Variants in PDZD8 observed in about 807,000 individuals in gnomAD.
PDZD8 encodes the protein PDZ domain-containing protein 8.
Under a neutral mutation model 85.8 loss-of-function variants are expected in PDZD8, and 14 were observed. The ratio of observed to expected loss-of-function variants is 0.16; its 90% CI spans 0.11 to 0.26. The LOEUF (loss-of-function observed/expected upper bound fraction) is 0.26. PDZD8 is among the 10% of genes least tolerant of loss of function. The pLI is 1.00. For synonymous variants in PDZD8, 592 were observed against 568.6 expected (o/e 1.04, Z -0.59); for missense variants, 1,197 against 1,424.3 (o/e 0.84, Z 2.57).
intron 1 of PDZD8, among the ~76,000 whole-genome samples, chr10:117,365,460 A>T (rs1452769952): frequency 6.6e-6 from 1 of 152,226 alleles, no homozygotes; most frequent in Non-Finnish European, 1.5e-5. Flanking sequence ...AATAGTTTTA[A>T]GAAAAGATAT....
At chr10:117,304,309 C>T (rs1843895502) in intron 3 of PDZD8, among the ~76,000 whole-genome samples, 1 of 152,092 alleles carries the variant, frequency 6.6e-6, no homozygotes, top group South Asian at 2.1e-4. Context: ...TTGTTTTGGC[C>T]AATTTCTCTT....
rs1329567676 is a variant in PDZD8 at position 117,375,202 on chromosome 10, G to A, written c.26C>T (p.Ala9Val). 1 of 1,548,928 alleles carries A rather than the reference G, an allele frequency of 6.5e-7. No individual in the cohort carries two copies. The highest frequency in any genetic ancestry group is 8.7e-7 in the Non-Finnish European group (1 of 1,152,360). The change falls in exon 1 of 5, where the codon GCG (alanine) becomes GTG (valine). Residue 9 changes from alanine to valine, a missense_variant. Around this residue, in one of 4 missense-constraint regions of PDZD8, gnomAD observed 172 missense variants for 137.8 expected, o/e 1.25. Coordinates refer to ENST00000334464, the MANE Select transcript of PDZD8 (RefSeq NM_173791.5). MGLLLMIL[A>V]SAVLGSFLTL... ...GAGGAAGGAACCCAGCACGGCCGAC[G>A]CCAGGATCATGAGCAGCAGCCCCAT...
At chr10:117,313,661 C>T (rs1419307208) in intron 3 of PDZD8, among the ~76,000 whole-genome samples, 1 of 152,094 alleles carries the variant, frequency 6.6e-6, no homozygotes, top group African/African-American at 2.4e-5. Context: ...GTTGAAAATG[C>T]ATTTACTGTT....
intron 1 of PDZD8, among the ~76,000 whole-genome samples, chr10:117,345,633 G>A (rs985740619): frequency 2.6e-5 from 4 of 151,422 alleles, no homozygotes; most frequent in African/African-American, 9.7e-5. Context: ...CCAAGAAAAA[G>A]TTATGAGACA....
chr10:117,363,038 ATAT>A (rs1845024445), intron 1 of PDZD8, among the ~76,000 whole-genome samples: 1 of 152,156 alleles, frequency 6.6e-6, no homozygotes, highest in Admixed American at 6.5e-5. Flanking sequence ...ACAGAAAATA[ATAT>A]TATACTTAGT....
chr10:117,341,235 C>A, intron 1 of PDZD8, 133 bp from the exon 2 acceptor site: 1 of 902,856 alleles, frequency 1.1e-6, no homozygotes, highest in East Asian at 2.8e-5. Flanking sequence ...AAAACCAAAG[C>A]TTACCACACT....
chr10:117,336,647 C>CA (rs931617399), intron 2 of PDZD8, among the ~76,000 whole-genome samples: 60 of 147,632 alleles, frequency 4.1e-4, no homozygotes, highest in Admixed American at 1.7e-3. Context: ...AAAAAAAAGA[C>CA]AAAAAAAAAG....
chr10:117,358,256 G>T (rs1335613727), intron 1 of PDZD8, among the ~76,000 whole-genome samples: 1 of 152,072 alleles, frequency 6.6e-6, no homozygotes, highest in Non-Finnish European at 1.5e-5. Flanking sequence ...TCATTTATAA[G>T]TGAAATATCA....
chr10:117,375,379 C>A lies in PDZD8; in HGVS notation c.-152G>T, dbSNP rs1276256335. On this transcript the variant is annotated 5_prime_UTR_variant, in exon 1 of 5. Transcript: ENST00000334464. ...CCTCGTCCAGGGGCTCGGGCCGGCG[C>A]GCTGCGGCGCCCGAGCCCGCAGCGG... 6 of 441,128 alleles carry A rather than the reference C, an allele frequency of 1.4e-5. No individual in the cohort carries two copies. The highest frequency in any genetic ancestry group is 4.7e-5 in the Admixed American group (1 of 21,484). The allele number at this position is 441,128 out of a possible 1,614,324, so 27.3% of individuals were successfully genotyped here.
chr10:117,344,247 T>C (rs1293797908), intron 1 of PDZD8, among the ~76,000 whole-genome samples: 1 of 152,306 alleles, frequency 6.6e-6, no homozygotes, highest in Middle Eastern at 3.4e-3. Context: ...CTGGAAATGA[T>C]CTTAAGAGCA....
At chr10:117,355,366 T>C (rs1427472486) in intron 1 of PDZD8, among the ~76,000 whole-genome samples, 2 of 152,242 alleles carry the variant, frequency 1.3e-5, no homozygotes, top group East Asian at 1.9e-4. Flanking sequence ...ATATATGCTC[T>C]GTTTTACTAC....
chr10:117,331,019 C>T (rs1018727879), intron 2 of PDZD8, among the ~76,000 whole-genome samples: 1 of 152,180 alleles, frequency 6.6e-6, no homozygotes, highest in Non-Finnish European at 1.5e-5. Context: ...AGTTTCTATA[C>T]TACCCATCAC....
chr10:117,290,893 AG>A (rs1844748754), intron 3 of PDZD8, among the ~76,000 whole-genome samples: 5 of 131,970 alleles, frequency 3.8e-5, no homozygotes, highest in Non-Finnish European at 7.7e-5. Context: ...TTTTTGAGAC[AG>A]GGTCTCACTC....
chr10:117,345,117 G>C (rs533606079), intron 1 of PDZD8, among the ~76,000 whole-genome samples: 1 of 152,216 alleles, frequency 6.6e-6, no homozygotes, highest in African/African-American at 2.4e-5. Context: ...GGGAAAAGAA[G>C]AGGGAGAGGC....
intron 1 of PDZD8, among the ~76,000 whole-genome samples, chr10:117,366,769 G>C (rs906568061): frequency 2.0e-5 from 3 of 152,152 alleles, no homozygotes; most frequent in Non-Finnish European, 4.4e-5. Context: ...TGGAAGTCCA[G>C]GACCTTTTAC....
intron 2 of PDZD8, among the ~76,000 whole-genome samples, chr10:117,325,404 C>CTTGTTTTTTTT (rs1844298320): frequency 1.0e-5 from 1 of 99,822 alleles, no homozygotes; most frequent in Non-Finnish European, 1.9e-5. Flanking sequence ...GAAAAGCCAA[C>CTTGTTTTTTTT]TTTTTTTTTT....
In PDZD8 at chr10:117,359,327, G is replaced by A. The variant is rs1381960016; in HGVS notation, c.872+15029C>T. Among the ~76,000 whole-genome samples the A allele has an allele frequency of 2.6e-5, 4 of 151,830 alleles. No homozygotes were observed. In the East Asian group the frequency reaches 7.7e-4, roughly 29 times the overall value. On this transcript the variant is annotated intron_variant, in intron 1 of 4. Transcript: ENST00000334464. The stretch of plus-strand genomic sequence containing the variant: ...GCTACTGGGGAGGCTGGGATGGTAG[G>A]ATCACTTGAGCCCAGGCAGTTGAGG...
chr10:117,358,322 A>G (rs1250186725), intron 1 of PDZD8, among the ~76,000 whole-genome samples: 1 of 152,108 alleles, frequency 6.6e-6, no homozygotes, highest in Admixed American at 6.6e-5. Context: ...AAAGTATAGT[A>G]TTGTCCCAGA....
intron 1 of PDZD8, among the ~76,000 whole-genome samples, chr10:117,367,852 G>A (rs1256371883): frequency 6.6e-6 from 1 of 152,040 alleles, no homozygotes; most frequent in East Asian, 1.9e-4. Context: ...CCTGGGAGGC[G>A]GAGGTTGCAG....
Sources: gnomAD v4.1 joint callset for allele counts (sites outside exome capture counted in the v4.1 genomes callset) on GRCh38, gnomAD v4.1.1 for gene constraint, gnomAD v4.1.1 regional missense constraint, MANE v1.5 for transcripts, NCBI Gene and HGNC (gene_info 2026-07-23, HGNC 2026-07-21) for gene names.